MAN1C1: variants seen among roughly 807,000 people sequenced by gnomAD.
MAN1C1 encodes mannosyl-oligosaccharide 1,2-alpha-mannosidase IC.
MAN1C1 carries 49 observed loss-of-function variants against 71.5 expected under a neutral mutation model. The ratio of observed to expected loss-of-function variants is 0.69; its 90% CI spans 0.54 to 0.87. The LOEUF (loss-of-function observed/expected upper bound fraction) is 0.87, where lower values mean the gene tolerates loss of function less well. MAN1C1 is among the 40% of genes least tolerant of loss of function. The pLI, the probability that MAN1C1 is intolerant of heterozygous loss-of-function variation, is 0.00. For synonymous variants in MAN1C1, 352 were observed against 343.7 expected (o/e 1.02, Z -0.27); for missense variants, 743 against 835.0 (o/e 0.89, Z 1.36).
chr1:25,628,347 G>A (rs1318700676), intron 1 of MAN1C1, among the ~76,000 whole-genome samples: 2 of 151,574 alleles, frequency 1.3e-5, no homozygotes, highest in African/African-American at 4.9e-5. Flanking sequence ...CGCTCTTGTT[G>A]CCCAGGCTGG....
At chr1:25,721,165 T>A (rs1004046310) in intron 2 of MAN1C1, among the ~76,000 whole-genome samples, 12 of 148,962 alleles carry the variant, frequency 8.1e-5, no homozygotes, top group African/African-American at 3.1e-4. Flanking sequence ...TCCATATGAA[T>A]TTTTTTTACA....
chr1:25,772,621 T>C (rs952235590), intron 8 of MAN1C1, among the ~76,000 whole-genome samples: 1 of 152,210 alleles, frequency 6.6e-6, no homozygotes, highest in African/African-American at 2.4e-5. Context: ...ACCTCCTTAT[T>C]TTCTCTAAAC....
chr1:25,732,621 G>C (rs1170998375), intron 2 of MAN1C1, among the ~76,000 whole-genome samples: 1 of 152,210 alleles, frequency 6.6e-6, no homozygotes, highest in Non-Finnish European at 1.5e-5. Context: ...CAAGGTGGAG[G>C]TCTTGCTCCC....
chr1:25,763,949 AGT>A lies in MAN1C1; in HGVS notation c.1125_1126del (p.Ser375ArgfsTer19), dbSNP rs761518656. On this transcript the variant is annotated frameshift_variant, in exon 7 of 12. Transcript: ENST00000374332. LOFTEE classifies it high-confidence loss of function. Reference sequence around the variant, plus strand: ...CTACCCCAACTTCCTCAGCCCAGTGAGTGGGAACTGGGTGCAACGTGAGTACA... The same window carrying A: ...CTACCCCAACTTCCTCAGCCCAGTGAGGGAACTGGGTGCAACGTGAGTACA... ...GLYPNFLSPV[S>X]GNWVQHHVSV... The A allele has an allele frequency of 1.9e-6, 3 of 1,613,580 alleles. No homozygotes were observed. In the African/African-American group the frequency reaches 4.0e-5, roughly 22 times the overall value.
intron 2 of MAN1C1, among the ~76,000 whole-genome samples, chr1:25,719,394 CTTTTATTTATTT>C (rs1364610105): frequency 2.2e-4 from 31 of 142,946 alleles, no homozygotes; most frequent in African/African-American, 7.2e-4. Flanking sequence ...TATTTTTTAT[CTTTTATTTATTT>C]ATTTATTTAT....
At position 25,634,837 on chromosome 1, in the gene MAN1C1, A is replaced by C. The variant is rs2124755959; in HGVS notation, c.540+16500A>C. Among the ~76,000 whole-genome samples the C allele has an allele frequency of 1.3e-5, 2 of 152,260 alleles. No individual in the cohort carries two copies. Among genetic ancestry groups the C allele is most frequent in the African/African-American group, 4.8e-5 (2 of 41,564 alleles). On this transcript the variant is annotated intron_variant, in intron 1 of 11. Transcript: ENST00000374332. The surrounding 1 kb of genome is among the most constrained non-coding windows in gnomAD (Gnocchi z 4.6). ...TCTGTCTCAAAAAAAAATAATAATA[A>C]AATAAAATAAAAGAATGCTAAATCA...
At chr1:25,744,447 G>A (rs2047100994) in intron 2 of MAN1C1, among the ~76,000 whole-genome samples, 1 of 152,088 alleles carries the variant, frequency 6.6e-6, no homozygotes. Flanking sequence ...CGCAGTGCTG[G>A]GTCCTTCCAG....
intron 2 of MAN1C1, among the ~76,000 whole-genome samples, chr1:25,701,350 C>T (rs188764265): frequency 9.2e-5 from 14 of 152,348 alleles, no homozygotes; most frequent in Admixed American, 5.9e-4. Flanking sequence ...GGGTGCCCAC[C>T]GGCTAGTGCA....
chr1:25,679,305 G>C (rs991841482), intron 1 of MAN1C1, among the ~76,000 whole-genome samples: 1 of 152,122 alleles, frequency 6.6e-6, no homozygotes, highest in African/African-American at 2.4e-5. Flanking sequence ...TATAAAAGGA[G>C]AAACCAAAAT....
intron 1 of MAN1C1, among the ~76,000 whole-genome samples, chr1:25,679,712 T>C (rs2046119346): frequency 6.6e-6 from 1 of 151,930 alleles, no homozygotes; most frequent in South Asian, 2.1e-4. Flanking sequence ...GCTTTACATA[T>C]ATATCATATA....
chr1:25,771,000 G>A (rs935581206), intron 7 of MAN1C1, among the ~76,000 whole-genome samples: 8 of 152,324 alleles, frequency 5.3e-5, no homozygotes, highest in East Asian at 3.9e-4. Context: ...CTCCTGGGAC[G>A]GCCCTGGGTG....
intron 1 of MAN1C1, among the ~76,000 whole-genome samples, chr1:25,643,653 C>T (rs1027177185): frequency 1.5e-4 from 22 of 149,538 alleles, no homozygotes; most frequent in Non-Finnish European, 3.0e-4. Context: ...TACAGACACC[C>T]GCCACCCCAC....
At chr1:25,771,605 T>G in intron 7 of MAN1C1, 52 bp from the exon 8 acceptor site, 1 of 1,437,576 alleles carries the variant, frequency 7.0e-7, no homozygotes, top group Non-Finnish European at 9.8e-7. Context: ...CCCTGCCCCG[T>G]GAGAGCCGGC....
intron 2 of MAN1C1, among the ~76,000 whole-genome samples, chr1:25,726,343 G>A (rs1313641816): frequency 6.6e-6 from 1 of 152,096 alleles, no homozygotes; most frequent in Non-Finnish European, 1.5e-5. Flanking sequence ...TTAACCCTTA[G>A]CCATCCTTAC....
intron 2 of MAN1C1, among the ~76,000 whole-genome samples, chr1:25,729,050 T>C (rs1276876187): frequency 6.6e-6 from 1 of 152,214 alleles, no homozygotes; most frequent in Non-Finnish European, 1.5e-5. Context: ...CTAATGTACA[T>C]GGTTTGCTCA....
intron 1 of MAN1C1, among the ~76,000 whole-genome samples, chr1:25,674,388 A>G (rs953453699): frequency 6.6e-6 from 1 of 152,100 alleles, no homozygotes; most frequent in Non-Finnish European, 1.5e-5. Context: ...TGTGCTGGGT[A>G]CTCTCCTAGG....
chr1:25,649,662 G>A (rs1027896340), intron 1 of MAN1C1, among the ~76,000 whole-genome samples: 31 of 152,130 alleles, frequency 2.0e-4, no homozygotes, highest in Non-Finnish European at 5.9e-5. Flanking sequence ...TTTGGAGATA[G>A]GGTCTCACTC....
In MAN1C1 at chr1:25,735,702, T is replaced by C. The variant is rs543738612; in HGVS notation, c.638-10966T>C. On this transcript the variant is annotated intron_variant, in intron 2 of 11. Transcript: ENST00000374332. This position sits in a 1 kb window ranked among gnomAD's most constrained non-coding sequence, Gnocchi z 4.6. ...TGGAATTTGGTTTATCTAGGCTGCA[T>C]CTAGCTAGATCCAAGTCTGCTCTGC... Among the ~76,000 whole-genome samples, 3 of 152,292 alleles carry C rather than the reference T, an allele frequency of 2.0e-5. No homozygotes were observed. The South Asian group carries it at 6.2e-4, about 32-fold the overall frequency.
intron 8 of MAN1C1, among the ~76,000 whole-genome samples, chr1:25,777,830 C>T (rs1340900616): frequency 2.0e-5 from 3 of 152,108 alleles, no homozygotes; most frequent in Admixed American, 2.0e-4. Context: ...TATTTTTTAA[C>T]GTTTTTTAAA....
Sources: allele counts gnomAD v4.1 joint callset (sites outside exome capture counted in the v4.1 genomes callset), GRCh38; gene constraint gnomAD v4.1.1; non-coding constraint Gnocchi (gnomAD v3.1); transcripts MANE v1.5; gene names NCBI Gene and HGNC (gene_info 2026-07-23, HGNC 2026-07-21).